CAMK2G: variants seen among roughly 807,000 people sequenced by gnomAD.
CAMK2G encodes calcium/calmodulin dependent protein kinase II gamma.
A neutral mutation model predicts 88.7 loss-of-function variants in CAMK2G; 23 were observed. The observed-to-expected ratio is 0.26, with a 90% CI of 0.19 to 0.37. The LOEUF is 0.37. CAMK2G is among the 10% of genes least tolerant of loss of function. The probability of loss-of-function intolerance (pLI) is 1.00; values close to 1 mark genes in which losing one functional copy is unlikely to be tolerated. For synonymous variants in CAMK2G, 263 were observed against 294.8 expected, an observed-to-expected ratio of 0.89 and a Z score of 1.11; for missense variants, 476 against 780.8, an observed-to-expected ratio of 0.61 and a Z score of 4.65.
chr10:73,842,227 G>T lies in CAMK2G; in HGVS notation c.904-16C>A. The T allele has an allele frequency of 6.2e-7, 1 of 1,607,136 alleles. No homozygotes were observed. Among genetic ancestry groups the T allele is most frequent in the Non-Finnish European group, 8.5e-7 (1 of 1,173,592 alleles). ...GGATGGCACCCTGGGGAAAGAGGAA[G>T]GTCCTGTGAATTCACTGAGACCCTA... is the stretch of plus-strand genomic sequence containing the variant. On this transcript the variant is annotated splice_polypyrimidine_tract_variant and intron_variant, in intron 11 of 22. Coordinates refer to ENST00000423381, the MANE Select transcript of CAMK2G (RefSeq NM_001367534.1). This position sits in a 1 kb window ranked among gnomAD's most constrained non-coding sequence, Gnocchi z 4.6.
At chr10:73,852,528 A>G (rs1304053819) in intron 4 of CAMK2G, 1 of 558,794 alleles carries the variant, frequency 1.8e-6, no homozygotes, top group African/African-American at 1.9e-5. Context: ...TTCCTTCCGG[A>G]CATTTCTTTT....
intron 22 of CAMK2G, chr10:73,814,732 C>T: frequency 2.2e-6 from 1 of 460,364 alleles, no homozygotes; most frequent in Non-Finnish European, 4.0e-6. Flanking sequence ...ATGAGGTAGG[C>T]ACCACTCTCT....
intron 19 of CAMK2G, chr10:73,818,810 C>T (rs1340506490): frequency 4.4e-6 from 2 of 456,080 alleles, no homozygotes; most frequent in Admixed American, 2.4e-5. Context: ...GCCCCACGGG[C>T]GAAGAGGGTT....
At position 73,817,099 on chromosome 10, in the gene CAMK2G, G is replaced by A. The variant is rs56230636; in HGVS notation, c.1458C>T (p.Gly486=). ...FEAYTKICDP[G]LTSFEPEALG... ...GGGCCTCAGGCTCAAAGGAAGTGAG[G>A]CCTGGATCACAAATCTTCCTACAGG... Residue 486 remains glycine (G), a synonymous_variant, in exon 21 of 23, where the codon GGC becomes GGT. Transcript: ENST00000423381. The A allele has an allele frequency of 1.1e-3, 1,823 of 1,610,464 alleles. 29 individuals are homozygous for A. The East Asian group carries it at 0.033, about 29-fold the overall frequency.
intron 5 of CAMK2G, among the ~76,000 whole-genome samples, chr10:73,851,462 G>C (rs975336513): frequency 6.6e-6 from 1 of 152,146 alleles, no homozygotes; most frequent in African/African-American, 2.4e-5. Flanking sequence ...TAGGGACAAG[G>C]TGACAGAGGC....
At position 73,839,568 on chromosome 10, in the gene CAMK2G, G is replaced by A. The variant is rs1299216527; in HGVS notation, c.980C>T (p.Ala327Val). 1 of 1,234,882 alleles carries A rather than the reference G, an allele frequency of 8.1e-7. No homozygotes were observed. The highest frequency in any genetic ancestry group is 1.5e-5 in the African/African-American group (1 of 64,594). The allele number at this position is 1,234,882 out of a possible 1,614,324, so 76.5% of individuals were successfully genotyped here. Residue 327 changes from alanine to valine, a missense_variant, in exon 13 of 23, where the codon GCC becomes GTC. Ala to Val is a moderately conservative substitution (Grantham distance 64, BLOSUM62 0). Transcript: ENST00000423381. This position sits in a 1 kb window ranked among gnomAD's most constrained non-coding sequence, Gnocchi z 4.2. ...CCCGGCCAGGCCGGCGGCGCTCGCG[G>A]CAGGCGAGGCGGGGGCGGAGCTCTG... is the stretch of plus-strand genomic sequence containing the variant. Reference protein sequence around the residue: ...GRQSSAPASPAASAAGLAGQA... With the variant: ...GRQSSAPASPVASAAGLAGQA...
intron 3 of CAMK2G, among the ~76,000 whole-genome samples, chr10:73,855,529 C>T (rs1266272753): frequency 6.6e-6 from 1 of 151,726 alleles, no homozygotes; most frequent in Non-Finnish European, 1.5e-5. Flanking sequence ...CCATGCCCAA[C>T]ACCACCCCAT....
At chr10:73,860,968 G>GT in intron 2 of CAMK2G, 79 bp from the exon 3 acceptor site, 1 of 969,568 alleles carries the variant, frequency 1.0e-6, no homozygotes, top group Non-Finnish European at 1.7e-6. Flanking sequence ...TATTCCTTCA[G>GT]TTCAGGTACT....
At position 73,815,177 on chromosome 10, in the gene CAMK2G, G is replaced by A. The variant is rs550401640; in HGVS notation, c.1605C>T (p.Asp535=). ...LNPHVHVIGE[D]AACIAYIRLT... is the part of the protein sequence containing the mutation. ...GGCGGATGTAGGCGATGCACGCTGC[G>A]TCCTCCCCAATCACGTGGACGTGTG... Residue 535 remains aspartate (D), a synonymous_variant, in exon 22 of 23, where the codon GAC becomes GAT. Coordinates refer to ENST00000423381, the MANE Select transcript of CAMK2G (RefSeq NM_001367534.1). 34 of 1,614,242 alleles carry A rather than the reference G, an allele frequency of 2.1e-5. No homozygotes were observed. The Admixed American group carries it at 2.8e-4, about 13-fold the overall frequency.
At chr10:73,825,681 T>C (rs1353418297) in intron 15 of CAMK2G, among the ~76,000 whole-genome samples, 1 of 152,156 alleles carries the variant, frequency 6.6e-6, no homozygotes, top group Non-Finnish European at 1.5e-5. Flanking sequence ...CTTCCCACTG[T>C]ACAGGAAAAA....
intron 14 of CAMK2G, among the ~76,000 whole-genome samples, chr10:73,830,324 A>G (rs1167590962): frequency 1.3e-5 from 2 of 152,034 alleles, no homozygotes; most frequent in Non-Finnish European, 2.9e-5. Flanking sequence ...CCCGGGCTGA[A>G]GTACTGGCAT....
chr10:73,854,576 G>A (rs1015639379), intron 3 of CAMK2G, among the ~76,000 whole-genome samples: 9 of 152,146 alleles, frequency 5.9e-5, no homozygotes, highest in Non-Finnish European at 8.8e-5. Flanking sequence ...TTCAGGAATG[G>A]CCTGACACCA....
intron 14 of CAMK2G, among the ~76,000 whole-genome samples, chr10:73,832,497 G>A (rs2092611606): frequency 6.6e-6 from 1 of 151,966 alleles, no homozygotes. Flanking sequence ...AGTAAAGACG[G>A]GGTTTCACCA....
At chr10:73,817,833 C>CACGCTTG in intron 19 of CAMK2G, 1 of 514,408 alleles carries the variant, frequency 1.9e-6, no homozygotes. Flanking sequence ...TTGCAGAAAA[C>CACGCTTG]ACGCTTGCCT....
In CAMK2G at chr10:73,860,860, T is replaced by C. The variant is rs1225851041; in HGVS notation, c.190A>G (p.Ile64Val). The C allele has an allele frequency of 6.2e-7, 1 of 1,613,882 alleles. No homozygotes were observed. The highest frequency in any genetic ancestry group is 1.7e-5 in the Admixed American group (1 of 60,020). The change falls in exon 3 of 23, where the codon ATA (isoleucine) becomes GTA (valine). Residue 64 changes from isoleucine (I) to valine (V), a missense_variant. This residue lies in a region of CAMK2G where 164 missense variants were observed against 385.6 expected (regional missense o/e 0.43). Coordinates refer to ENST00000423381, the MANE Select transcript of CAMK2G (RefSeq NM_001367534.1). ...DHQKLEREAR[I>V]CRLLKHPNIV... ...TTTGGATGTTTCAGAAGTCGACATA[T>C]CCGAGCCTCACGTTCTAGTTTCTGG...
rs550401640 is a variant in CAMK2G, at chr10:73,815,177, G to T, written c.1605C>A (p.Asp535Glu). The T allele has an allele frequency of 1.2e-6, 2 of 1,614,242 alleles. No homozygotes were observed. Among genetic ancestry groups the T allele is most frequent in the South Asian group, 2.2e-5 (2 of 91,088 alleles). ...GGCGGATGTAGGCGATGCACGCTGC[G>T]TCCTCCCCAATCACGTGGACGTGTG... ...LNPHVHVIGE[D>E]AACIAYIRLT... The change falls in exon 22 of 23, where the codon GAC becomes GAA. Residue 535 changes from aspartate to glutamate, a missense_variant. Asp to Glu is a conservative substitution (Grantham distance 45). Transcript: ENST00000423381.
Position 73,852,103 on chromosome 10 carries a change from A to G in CAMK2G, c.341+151T>C, listed in dbSNP as rs1805350280. The G allele has an allele frequency of 9.1e-6, 6 of 658,360 alleles. No homozygotes were observed. The Admixed American group carries it at 1.0e-4, about 11-fold the overall frequency. 40.8% of individuals were successfully genotyped at this position (658,360 alleles called of 1,614,324 possible). On this transcript the variant is annotated intron_variant, in intron 5 of 22. Coordinates refer to ENST00000423381, the MANE Select transcript of CAMK2G (RefSeq NM_001367534.1). ...ACCCACAGTATGCAAGCCCTAGCCC[A>G]GCTCAACAGAATCTTTCTCCAGACA...
chr10:73,849,147 A>ACC (rs778147943), intron 6 of CAMK2G, 32 bp from the exon 7 acceptor site: 1 of 1,593,066 alleles, frequency 6.3e-7, no homozygotes, highest in Non-Finnish European at 8.6e-7. Flanking sequence ...CCTTGTGAGC[A>ACC]CCCACCCTGC....
intron 2 of CAMK2G, among the ~76,000 whole-genome samples, chr10:73,869,323 C>T (rs2095716368): frequency 6.6e-6 from 1 of 152,230 alleles, no homozygotes; most frequent in African/African-American, 2.4e-5. Context: ...CCAACAGTGG[C>T]CCTATAGTGC....
Sources: allele counts gnomAD v4.1 joint callset (sites outside exome capture counted in the v4.1 genomes callset), GRCh38; gene constraint gnomAD v4.1.1; regional missense constraint gnomAD v4.1.1; non-coding constraint Gnocchi (gnomAD v3.1); transcripts MANE v1.5; gene names NCBI Gene and HGNC (gene_info 2026-07-23, HGNC 2026-07-21).